Variants in CXXC1 observed in about 807,000 individuals in gnomAD.
The protein encoded by CXXC1 is CXXC-type zinc finger protein 1.
In CXXC1, 21 loss-of-function variants were observed where a neutral mutation model predicts 83.6. The observed-to-expected ratio is 0.25, with a 90% CI of 0.18 to 0.36. CXXC1 has a LOEUF of 0.36. Among genes scored for constraint, CXXC1 ranks in the 10% least tolerant of loss-of-function variants. The probability of loss-of-function intolerance (pLI) is 1.00; values close to 1 mark genes in which losing one functional copy is unlikely to be tolerated. For synonymous variants in CXXC1, 371 were observed against 337.5 expected (o/e 1.10, Z -1.09); for missense variants, 688 against 919.5 (o/e 0.75, Z 3.26).
intron 2 of CXXC1, 49 bp from the exon 3 acceptor site, chr18:50,286,688 G>A (rs774043661): frequency 1.9e-6 from 3 of 1,607,980 alleles, no homozygotes; most frequent in East Asian, 2.2e-5. Context: ...GCGGCCCATC[G>A]GCCTCACCCC....
chr18:50,282,921 T>C lies in CXXC1; in HGVS notation c.1757A>G (p.Gln586Arg). ...CTCCCAGCAGTAATGGCGATTGCAC[T>C]GGCGCTTGGGCAGGCGGCAGAAGTC... ...TGDFCRLPKR[Q>R]CNRHYCWEKL... Residue 586 changes from glutamine (Q) to arginine (R), a missense_variant, in exon 14 of 15, where the codon CAG (glutamine) becomes CGG (arginine). Coordinates refer to ENST00000285106, the MANE Select transcript of CXXC1 (RefSeq NM_014593.4). This position sits in a 1 kb window ranked among gnomAD's most constrained non-coding sequence, Gnocchi z 5.8. The C allele has an allele frequency of 1.2e-6, 2 of 1,614,196 alleles. No homozygotes were observed. The highest frequency in any genetic ancestry group is 1.1e-5 in the South Asian group (1 of 91,088).
At position 50,286,063 on chromosome 18, in the gene CXXC1, G is replaced by A. The variant is rs745309511; in HGVS notation, c.418C>T (p.His140Tyr). The A allele has an allele frequency of 1.9e-6, 3 of 1,613,814 alleles. No individual in the cohort carries two copies. Among genetic ancestry groups the A allele is most frequent in the African/African-American group, 2.7e-5 (2 of 74,916 alleles). The change falls in exon 4 of 15, where the codon CAC becomes TAC. Residue 140 changes from histidine to tyrosine, a missense_variant. Transcript: ENST00000285106. ...ACCAAGGGCTGCGGAGAGGATTTGT[G>A]GGGCGAAGCAGAGCCCCGAGCAAGC... Reference protein sequence around the residue: ...AMLARGSASPHKSSPQPLVAT... With the variant: ...AMLARGSASPYKSSPQPLVAT...
chr18:50,284,935 T>A (rs2276366), intron 7 of CXXC1, 67 bp downstream of exon 7: 2 of 1,612,112 alleles, frequency 1.2e-6, no homozygotes, highest in Non-Finnish European at 1.7e-6. Context: ...CTCTGTCTCC[T>A]CATTAGGGAT....
rs373416091 is a variant in CXXC1 at position 50,283,213 on chromosome 18, C to G, written c.1671+52G>C. On this transcript the variant is annotated intron_variant, in intron 13 of 14. Transcript: ENST00000285106. ...GAGGAAGGAAGGGATGAATGTGGGA[C>G]AGCGAGGCAGGGAGGAGGGGCAAAA... 83 of 1,466,496 alleles carry G rather than the reference C, an allele frequency of 5.7e-5. No individual in the cohort carries two copies. In the East Asian group the frequency reaches 7.5e-4, roughly 13 times the overall value. The allele number at this position is 1,466,496 out of a possible 1,614,324, so 90.8% of individuals were successfully genotyped here.
At position 50,286,781 on chromosome 18, in the gene CXXC1, G is replaced by T. The variant is rs371863015; in HGVS notation, c.81C>A (p.Ile27=). The change falls in exon 2 of 15, where the codon ATC becomes ATA. Residue 27 remains isoleucine, a synonymous_variant. Coordinates refer to ENST00000285106, the MANE Select transcript of CXXC1 (RefSeq NM_014593.4). ...SKSENGENAP[I]YCICRKPDIN... is the part of the protein sequence containing the mutation. The stretch of plus-strand genomic sequence containing the variant: ...TGTCCGGTTTGCGGCAGATGCAGTA[G>T]ATGGGCGCATTCTCCCCATTCTCGG... 2.5e-6 allele frequency: 4 copies of T among 1,614,120 alleles called. No individual in the cohort carries two copies. The South Asian group carries it at 3.3e-5, about 13-fold the overall frequency.
In CXXC1 at chr18:50,287,567, T is replaced by C. The variant is rs758807056; in HGVS notation, c.3+20A>G. On this transcript the variant is annotated intron_variant, in intron 1 of 14. Transcript: ENST00000285106. Reference sequence around the variant, plus strand: ...CGACCGACCTCCACCGCCGAACCCCTCCCTGGACCCGCTACTTACCATATC... The same window carrying C: ...CGACCGACCTCCACCGCCGAACCCCCCCCTGGACCCGCTACTTACCATATC... 1.2e-6 allele frequency: 2 copies of C among 1,611,776 alleles called. No homozygotes were observed. Among genetic ancestry groups the C allele is most frequent in the Non-Finnish European group, 1.7e-6 (2 of 1,179,618 alleles).
chr18:50,284,333 A>G (rs2040677771), intron 9 of CXXC1, 45 bp downstream of exon 9: 1 of 1,517,754 alleles, frequency 6.6e-7, no homozygotes, highest in Admixed American at 2.1e-5. Flanking sequence ...GTCAGGCCCT[A>G]CCATGCACTT....
Position 50,285,398 on chromosome 18 carries a change from G to A in CXXC1, c.640-47C>T, listed in dbSNP as rs373953892. ...CCAGGTCAGCCCCAGGTGGATGGAG[G>A]GCGGCCTTGCCCTAGCCCTACCCAC... On this transcript the variant is annotated intron_variant, in intron 5 of 14. Transcript: ENST00000285106. This position sits in a 1 kb window ranked among gnomAD's most constrained non-coding sequence, Gnocchi z 4.4. 15 of 1,555,034 alleles carry A rather than the reference G, an allele frequency of 9.6e-6. No homozygotes were observed. Among genetic ancestry groups the A allele is most frequent in the South Asian group, 1.2e-5 (1 of 80,942 alleles).
intron 9 of CXXC1, 77 bp downstream of exon 9, chr18:50,284,301 G>A: frequency 6.6e-7 from 1 of 1,519,134 alleles, no homozygotes; most frequent in Admixed American, 2.0e-5. Context: ...CTGATTGACT[G>A]GTAGACATAC....
chr18:50,283,176 GA>G, intron 13 of CXXC1, 88 bp downstream of exon 13: 3 of 1,333,122 alleles, frequency 2.3e-6, no homozygotes, highest in Non-Finnish European at 3.2e-6. Flanking sequence ...AAAAGTGAAG[GA>G]AAAGTGAGGT....
chr18:50,285,281 G>T lies in CXXC1; in HGVS notation c.667-34C>A. 6.2e-7 allele frequency: 1 copy of T among 1,611,830 alleles called. No individual in the cohort carries two copies. The highest frequency in any genetic ancestry group is 8.5e-7 in the Non-Finnish European group (1 of 1,178,364). The stretch of plus-strand genomic sequence containing the variant: ...CAGAATCTCAGGACTGGCCCTGACC[G>T]CCCTGCCCGCATGCCCCACCCCACC... On this transcript the variant is annotated intron_variant, in intron 6 of 14. Coordinates refer to ENST00000285106, the MANE Select transcript of CXXC1 (RefSeq NM_014593.4). The surrounding 1 kb of genome is among the most constrained non-coding windows in gnomAD (Gnocchi z 4.4).
intron 1 of CXXC1, chr18:50,287,133 G>T: frequency 1.9e-6 from 1 of 522,732 alleles, no homozygotes; most frequent in Non-Finnish European, 3.5e-6. Context: ...CCATCGTGGC[G>T]CCTCACAGAC....
chr18:50,286,200 C>A lies in CXXC1; in HGVS notation c.281G>T (p.Gly94Val), dbSNP rs2040711379. ...GGGCTCACTGCTGTCCCGCTCATTG[C>A]CATCCCGCTCCCGTGACTTCTTGTG... is the stretch of plus-strand genomic sequence containing the variant. ...YRHKKSRERD[G>V]NERDSSEPRD... The change falls in exon 4 of 15, where the codon GGC (glycine) becomes GTC (valine). Residue 94 changes from glycine (G) to valine (V), a missense_variant. Coordinates refer to ENST00000285106, the MANE Select transcript of CXXC1 (RefSeq NM_014593.4). 6.2e-7 allele frequency: 1 copy of A among 1,613,458 alleles called. No homozygotes were observed. Among genetic ancestry groups the A allele is most frequent in the East Asian group, 2.2e-5 (1 of 44,870 alleles).
chr18:50,283,043 G>A (rs748926785), intron 13 of CXXC1, 37 bp from the exon 14 acceptor site: 2 of 1,609,452 alleles, frequency 1.2e-6, no homozygotes, highest in Non-Finnish European at 1.7e-6. Context: ...GAATAGCGGT[G>A]ATAAGGGAGA....
In CXXC1 at chr18:50,287,689, A is replaced by G; in HGVS notation, c.-100T>C. 6.9e-7 allele frequency: 1 copy of G among 1,458,078 alleles called. No homozygotes were observed. The highest frequency in any genetic ancestry group is 1.4e-5 in the African/African-American group (1 of 71,910). 90.3% of individuals were successfully genotyped at this position (1,458,078 alleles called of 1,614,324 possible). ...CCCAGGCGGTTGCAAAGGCGCCCAC[A>G]ACTACTTCCGCTTCTAGTCACGCCT... On this transcript the variant is annotated 5_prime_UTR_variant, in exon 1 of 15. Coordinates refer to ENST00000285106, the MANE Select transcript of CXXC1 (RefSeq NM_014593.4).
chr18:50,282,506 A>G lies in CXXC1; in HGVS notation c.*87T>C. ...TGGATGGGCACAGGGAGAACCGGAG[A>G]AACAGATGAGTGGAGGAACGGACAC... On this transcript the variant is annotated 3_prime_UTR_variant, in exon 15 of 15. Transcript: ENST00000285106. This position sits in a 1 kb window ranked among gnomAD's most constrained non-coding sequence, Gnocchi z 5.8. The G allele has an allele frequency of 6.6e-7, 1 of 1,523,948 alleles. No individual in the cohort carries two copies. The highest frequency in any genetic ancestry group is 8.9e-7 in the Non-Finnish European group (1 of 1,119,244). The allele number at this position is 1,523,948 out of a possible 1,614,324, so 94.4% of individuals were successfully genotyped here.
rs766054382 is a variant in CXXC1 at position 50,286,196 on chromosome 18, A to G, written c.285T>C (p.Asn95=). The G allele has an allele frequency of 6.2e-7, 1 of 1,613,414 alleles. No individual in the cohort carries two copies. ...CCCGGGGCTCACTGCTGTCCCGCTC[A>G]TTGCCATCCCGCTCCCGTGACTTCT... ...RHKKSRERDG[N]ERDSSEPRDE... The change falls in exon 4 of 15, where the codon AAT becomes AAC. Residue 95 remains asparagine (N), a synonymous_variant. Coordinates refer to ENST00000285106, the MANE Select transcript of CXXC1 (RefSeq NM_014593.4).
In CXXC1 at chr18:50,285,148, C is replaced by T; in HGVS notation, c.766G>A (p.Glu256Lys). Residue 256 changes from glutamate (E) to lysine (K), a missense_variant, in exon 7 of 15, where the codon GAA (glutamate) becomes AAA (lysine). By Grantham distance (56) the Glu-to-Lys change is moderately conservative. Around this residue, in one of 9 missense-constraint regions of CXXC1, gnomAD observed 190 missense variants for 199.7 expected, o/e 0.95. Transcript: ENST00000285106. This position sits in a 1 kb window ranked among gnomAD's most constrained non-coding sequence, Gnocchi z 4.4. The stretch of plus-strand genomic sequence containing the variant: ...GATGACGCCACTGCCCCCTCATCTT[C>T]ACGGATGCGCCCTAACTTCTGTGAT... ...QPSQKLGRIR[E>K]DEGAVASSTV... 6.2e-7 allele frequency: 1 copy of T among 1,614,242 alleles called. No individual in the cohort carries two copies. The highest frequency in any genetic ancestry group is 8.5e-7 in the Non-Finnish European group (1 of 1,180,038).
chr18:50,286,483 C>G (rs1599675698), intron 3 of CXXC1, 56 bp downstream of exon 3: 1 of 1,431,098 alleles, frequency 7.0e-7, no homozygotes, highest in East Asian at 2.3e-5. Context: ...CCCCTTGTGG[C>G]TCCTCCTCCT....
Sources: allele counts gnomAD v4.1 joint callset, GRCh38; gene constraint gnomAD v4.1.1; regional missense constraint gnomAD v4.1.1; non-coding constraint Gnocchi (gnomAD v3.1); transcripts MANE v1.5; gene names NCBI Gene and HGNC (gene_info 2026-07-23, HGNC 2026-07-21).